Variants in NELL1 observed in about 807,000 individuals in gnomAD.
The protein encoded by NELL1 is protein kinase C-binding protein NELL1.
NELL1 carries 76 observed loss-of-function variants against 107.4 expected under a neutral mutation model. The observed-to-expected ratio is 0.71, with a 90% CI of 0.59 to 0.86. NELL1 has a LOEUF of 0.86. NELL1 is among the 40% of genes least tolerant of loss of function. The pLI is 0.00. For synonymous variants in NELL1, 353 were observed against 341.2 expected, an observed-to-expected ratio of 1.03 and a Z score of -0.38; for missense variants, 1,024 against 1,005.5, an observed-to-expected ratio of 1.02 and a Z score of -0.25.
At chr11:21,156,358 G>T (rs769104300) in intron 13 of NELL1, among the ~76,000 whole-genome samples, 1 of 152,180 alleles carries the variant, frequency 6.6e-6, no homozygotes, top group African/African-American at 2.4e-5. Flanking sequence ...AGTAGAGAAG[G>T]TTAACAACAG....
intron 13 of NELL1, among the ~76,000 whole-genome samples, chr11:21,173,749 A>G (rs893245432): frequency 6.6e-6 from 1 of 150,520 alleles, no homozygotes; most frequent in East Asian, 1.9e-4. Flanking sequence ...ATGTAGAGGT[A>G]TGTGTGTGTG....
chr11:20,697,760 G>T (rs187704588), intron 2 of NELL1, among the ~76,000 whole-genome samples: 1 of 152,256 alleles, frequency 6.6e-6, no homozygotes, highest in Admixed American at 6.5e-5. Flanking sequence ...ATTTCTTACT[G>T]GATGACCTGG....
intron 9 of NELL1, among the ~76,000 whole-genome samples, chr11:20,930,301 A>G (rs1422650393): frequency 6.6e-6 from 1 of 152,182 alleles, no homozygotes; most frequent in Non-Finnish European, 1.5e-5. Context: ...GAAAAATTAC[A>G]TTTTGTGTGC....
intron 3 of NELL1, among the ~76,000 whole-genome samples, chr11:20,801,692 T>C (rs914006941): frequency 1.3e-5 from 2 of 152,194 alleles, no homozygotes; most frequent in East Asian, 3.9e-4. Flanking sequence ...TGTTTTCTTT[T>C]AGTAGTTTAA....
At chr11:21,518,021 T>C (rs1202493660) in intron 15 of NELL1, among the ~76,000 whole-genome samples, 2 of 151,746 alleles carry the variant, frequency 1.3e-5, no homozygotes, top group Non-Finnish European at 2.9e-5. Context: ...CAGGATGCTA[T>C]GGAGCCACAA....
intron 14 of NELL1, among the ~76,000 whole-genome samples, chr11:21,311,476 A>T (rs1849747774): frequency 6.6e-6 from 1 of 152,134 alleles, no homozygotes; most frequent in Non-Finnish European, 1.5e-5. Flanking sequence ...TATTTGCATA[A>T]AATCAAATAC....
intron 14 of NELL1, among the ~76,000 whole-genome samples, chr11:21,230,877 A>G (rs1322957897): frequency 6.6e-6 from 1 of 152,164 alleles, no homozygotes; most frequent in Non-Finnish European, 1.5e-5. Flanking sequence ...TACTGATTCC[A>G]TCAATTTTAC....
intron 11 of NELL1, among the ~76,000 whole-genome samples, chr11:20,957,535 A>G (rs1475272269): frequency 6.6e-6 from 1 of 152,256 alleles, no homozygotes; most frequent in Non-Finnish European, 1.5e-5. Context: ...AGAATAAGCT[A>G]TCATGCATGC....
At chr11:21,217,409 AG>A (rs1293186922) in intron 13 of NELL1, among the ~76,000 whole-genome samples, 2 of 152,070 alleles carry the variant, frequency 1.3e-5, no homozygotes, top group East Asian at 3.9e-4. Context: ...AGCTGGGTGA[AG>A]GGTACATAGG....
chr11:21,378,658 G>A (rs940999533), intron 15 of NELL1, among the ~76,000 whole-genome samples: 1 of 151,132 alleles, frequency 6.6e-6, no homozygotes, highest in East Asian at 2.0e-4. Context: ...AAATTTAAAT[G>A]TATGTAATAA....
intron 12 of NELL1, among the ~76,000 whole-genome samples, chr11:20,996,494 C>G (rs1852093120): frequency 6.6e-6 from 1 of 152,156 alleles, no homozygotes; most frequent in African/African-American, 2.4e-5. Flanking sequence ...TTTCAGCTTC[C>G]ATTTGCTCAC....
At chr11:20,679,037 C>T (rs1267508955) in intron 2 of NELL1, among the ~76,000 whole-genome samples, 8 of 152,024 alleles carry the variant, frequency 5.3e-5, no homozygotes, top group South Asian at 2.1e-4. Flanking sequence ...TTTCGCATGG[C>T]GGAAGGGTGG....
intron 13 of NELL1, among the ~76,000 whole-genome samples, chr11:21,205,272 C>T (rs540391662): frequency 3.9e-5 from 6 of 152,250 alleles, no homozygotes; most frequent in South Asian, 2.1e-4. Flanking sequence ...TTTAAGCCCA[C>T]GACTGGGGCT....
chr11:20,786,479 C>G (rs1856961920), intron 3 of NELL1, among the ~76,000 whole-genome samples: 1 of 151,956 alleles, frequency 6.6e-6, no homozygotes, highest in Non-Finnish European at 1.5e-5. Context: ...CACACAGCAC[C>G]AAAGTATATT....
intron 13 of NELL1, among the ~76,000 whole-genome samples, chr11:21,168,939 T>C (rs1044314945): frequency 6.6e-6 from 1 of 151,970 alleles, no homozygotes; most frequent in East Asian, 1.9e-4. Flanking sequence ...TGCTACCTTC[T>C]TCCTAATTAT....
chr11:21,517,516 A>G (rs1220567626), intron 15 of NELL1, among the ~76,000 whole-genome samples: 1 of 152,110 alleles, frequency 6.6e-6, no homozygotes, highest in Non-Finnish European at 1.5e-5. Context: ...ACTCATTTAG[A>G]TTGCTTGCCT....
At chr11:20,781,250 G>GT (rs1462307659) in intron 2 of NELL1, among the ~76,000 whole-genome samples, 4 of 152,178 alleles carry the variant, frequency 2.6e-5, no homozygotes, top group Non-Finnish European at 2.9e-5. Context: ...GCAATTTCTA[G>GT]TTTTTTGACT....
chr11:21,242,654 C>T (rs148755374), intron 14 of NELL1, among the ~76,000 whole-genome samples: 246 of 152,144 alleles, frequency 1.6e-3, no homozygotes, highest in Non-Finnish European at 2.8e-3. Flanking sequence ...TAGGCCTACA[C>T]GTAAAAATTA....
chr11:21,098,400 C>T (rs574885223), intron 12 of NELL1, among the ~76,000 whole-genome samples: 54 of 152,258 alleles, frequency 3.5e-4, no homozygotes, highest in African/African-American at 1.3e-3. Context: ...CATGGCCAAG[C>T]CTGCCTAATC....
Sources: gnomAD v4.1 joint callset for allele counts (sites outside exome capture counted in the v4.1 genomes callset) on GRCh38, gnomAD v4.1.1 for gene constraint, MANE v1.5 for transcripts, NCBI Gene and HGNC (gene_info 2026-07-23, HGNC 2026-07-21) for gene names.